DZIP1L: variants seen among roughly 807,000 people sequenced by gnomAD.
The protein encoded by DZIP1L is DAZ interacting zinc finger protein 1 like.
A neutral mutation model predicts 88.7 loss-of-function variants in DZIP1L; 90 were observed. The observed-to-expected ratio is 1.02, with a 90% CI of 0.86 to 1.21. The LOEUF (loss-of-function observed/expected upper bound fraction) is 1.21. Ranked by LOEUF, DZIP1L falls within the 50% of genes most tolerant of loss-of-function variation. The pLI is 0.00. For missense variants in DZIP1L, 932 were observed against 955.8 expected, an observed-to-expected ratio of 0.98 and a Z score of 0.33; for synonymous variants, 363 against 372.1, an observed-to-expected ratio of 0.98 and a Z score of 0.28.
Position 138,103,533 on chromosome 3 carries a change from G to A in DZIP1L, c.439C>T (p.Arg147Cys), listed in dbSNP as rs781705384. 31 of 1,610,876 alleles carry A rather than the reference G, an allele frequency of 1.9e-5. No homozygotes were observed. Among genetic ancestry groups the A allele is most frequent in the Non-Finnish European group, 2.4e-5 (28 of 1,179,770 alleles). The change falls in exon 2 of 16, where the codon CGC becomes TGC. Residue 147 changes from arginine (R) to cysteine (C), a missense_variant. Physicochemically the swap from Arg to Cys is radical, Grantham distance 180. Transcript: ENST00000327532. ...TGCTGCAGGGTGCTGATCATCTTGC[G>A]ACGCCGGCGGCTCTCCTCCCGCACA... ...KGVREESRRR[R>C]KMISTLQQLL... is the part of the protein sequence containing the mutation.
In DZIP1L at chr3:138,062,888, A is replaced by G. The variant is rs1942754670; in HGVS notation, c.2232T>C (p.Ser744=). 1 of 1,614,094 alleles carries G rather than the reference A, an allele frequency of 6.2e-7. No individual in the cohort carries two copies. The highest frequency in any genetic ancestry group is 8.5e-7 in the Non-Finnish European group (1 of 1,180,054). The part of the protein sequence containing the change: ...LDQREKPKPL[S]RSKLPEKFGT... ...CAAACTTCTCTGGGAGCTTTGAGCG[A>G]GACAAGGGCTTGGGTTTCTCTCTCT... The change falls in exon 16 of 16, where the codon TCT becomes TCC. Residue 744 remains serine, a synonymous_variant. Transcript: ENST00000327532.
rs374741388 is a variant in DZIP1L at position 138,064,647 on chromosome 3, G to A, written c.2123C>T (p.Thr708Ile). ...TCCTACCTGAGGCTTCCTTCCTGGTGTGGCAGCCCTCTGTGGCCCAGCATT... is the reference window on the plus strand; with the variant it reads ...TCCTACCTGAGGCTTCCTTCCTGGTATGGCAGCCCTCTGTGGCCCAGCATT... ...MPNAGPQRAATPGRKPQLSED... is the reference protein window; with the variant it reads ...MPNAGPQRAAIPGRKPQLSED... The change falls in exon 15 of 16, where the codon ACA (threonine) becomes ATA (isoleucine). Residue 708 changes from threonine (T) to isoleucine (I), a missense_variant. Thr to Ile is a moderately conservative substitution (Grantham distance 89, BLOSUM62 -1). Transcript: ENST00000327532. 6.2e-7 allele frequency: 1 copy of A among 1,614,188 alleles called. No individual in the cohort carries two copies. Among genetic ancestry groups the A allele is most frequent in the Non-Finnish European group, 8.5e-7 (1 of 1,180,038 alleles).
intron 12 of DZIP1L, 74 bp from the exon 13 acceptor site, chr3:138,068,441 G>A (rs1000451304): frequency 6.2e-6 from 7 of 1,124,758 alleles, no homozygotes; most frequent in Admixed American, 5.9e-5. Flanking sequence ...GGGAGAAAGT[G>A]GCTCCAACAC....
At chr3:138,092,203 GC>G (rs1415563501) in intron 5 of DZIP1L, 179 bp downstream of exon 5, 1 of 567,584 alleles carries the variant, frequency 1.8e-6, no homozygotes, top group African/African-American at 1.9e-5. Context: ...TGTTGACACA[GC>G]AGTGATTCAA....
At chr3:138,083,477 C>T (rs972999396) in intron 8 of DZIP1L, among the ~76,000 whole-genome samples, 1 of 152,122 alleles carries the variant, frequency 6.6e-6, no homozygotes, top group South Asian at 2.1e-4. Context: ...AACTCAGCCT[C>T]GACTGGGCAG....
chr3:138,081,438 G>A (rs1353321800), intron 9 of DZIP1L, among the ~76,000 whole-genome samples: 6 of 152,164 alleles, frequency 3.9e-5, no homozygotes, highest in African/African-American at 1.4e-4. Flanking sequence ...CAGGCATGGT[G>A]AATTAGAAAA....
At chr3:138,073,055 T>C (rs1943253655) in intron 11 of DZIP1L, among the ~76,000 whole-genome samples, 1 of 152,092 alleles carries the variant, frequency 6.6e-6, no homozygotes, top group Admixed American at 6.5e-5. Context: ...CGTCTATCCC[T>C]GGCCCCACCT....
chr3:138,092,264 G>C (rs1944272350), intron 5 of DZIP1L, 119 bp downstream of exon 5: 1 of 1,123,508 alleles, frequency 8.9e-7, no homozygotes, highest in Admixed American at 3.6e-5. Context: ...TCTGATAACT[G>C]GCCTCACAGT....
intron 4 of DZIP1L, among the ~76,000 whole-genome samples, chr3:138,094,500 T>A (rs1175740341): frequency 6.6e-6 from 1 of 152,218 alleles, no homozygotes; most frequent in African/African-American, 2.4e-5. Context: ...CTGAGCATTG[T>A]CTCTGGGCTG....
At chr3:138,083,350 G>GACTAGA (rs1437383199) in intron 8 of DZIP1L, among the ~76,000 whole-genome samples, 1 of 152,180 alleles carries the variant, frequency 6.6e-6, no homozygotes, top group Non-Finnish European at 1.5e-5. Flanking sequence ...AAGAGGCCAG[G>GACTAGA]ACTAGACAGT....
chr3:138,109,312 A>G (rs1343167731), intron 1 of DZIP1L, among the ~76,000 whole-genome samples: 2 of 152,168 alleles, frequency 1.3e-5, no homozygotes, highest in African/African-American at 4.8e-5. Context: ...TACTATTATC[A>G]TCTAAGCCAC....
intron 2 of DZIP1L, 104 bp downstream of exon 2, chr3:138,103,367 C>G (rs966407214): frequency 4.3e-5 from 57 of 1,318,926 alleles, no homozygotes; most frequent in Non-Finnish European, 5.9e-5. Flanking sequence ...GAACAGCCCC[C>G]CAGCAGCCTT....
chr3:138,077,620 G>T lies in DZIP1L; in HGVS notation c.1301C>A (p.Ser434Tyr), dbSNP rs752344990. The part of the protein sequence containing the change: ...EDSPEEEMED[S>Y]QDEQHKVLAA... ...CAGCACCTTGTGCTGTTCATCCTGG[G>T]AGTCCTCCATCTCTGTAGCATGAGA... is the stretch of plus-strand genomic sequence containing the variant. The change falls in exon 11 of 16, where the codon TCC becomes TAC. Residue 434 changes from serine (S) to tyrosine (Y), a missense_variant. Ser to Tyr is a moderately radical substitution (Grantham distance 144). Coordinates refer to ENST00000327532, the MANE Select transcript of DZIP1L (RefSeq NM_173543.3). 6.2e-7 allele frequency: 1 copy of T among 1,614,100 alleles called. No homozygotes were observed. The highest frequency in any genetic ancestry group is 8.5e-7 in the Non-Finnish European group (1 of 1,180,006).
At position 138,067,518 on chromosome 3, in the gene DZIP1L, G is replaced by C. The variant is rs1473018379; in HGVS notation, c.2002+13C>G. On this transcript the variant is annotated intron_variant, in intron 14 of 15. Coordinates refer to ENST00000327532, the MANE Select transcript of DZIP1L (RefSeq NM_173543.3). The stretch of plus-strand genomic sequence containing the variant: ...GGTGGTCCCAGCCCACTCACCCAAA[G>C]GTGCCAGCTCACCTGAGCCCTGGCC... 6.3e-7 allele frequency: 1 copy of C among 1,582,078 alleles called. No homozygotes were observed. The highest frequency in any genetic ancestry group is 8.6e-7 in the Non-Finnish European group (1 of 1,167,744).
intron 4 of DZIP1L, among the ~76,000 whole-genome samples, chr3:138,093,021 G>A (rs1392021459): frequency 6.6e-6 from 1 of 152,142 alleles, no homozygotes; most frequent in African/African-American, 2.4e-5. Context: ...TTTTCTTAAT[G>A]GCATCCAGAA....
At chr3:138,068,961 G>A (rs757066192) in intron 12 of DZIP1L, 240 of 1,263,098 alleles carry the variant, frequency 1.9e-4, no homozygotes, top group Non-Finnish European at 2.3e-4. Context: ...GTGCATCACA[G>A]GGAGTCAGAC....
chr3:138,064,312 G>A (rs1296858990), intron 15 of DZIP1L: 4 of 1,203,744 alleles, frequency 3.3e-6, no homozygotes, highest in Non-Finnish European at 4.2e-6. Context: ...CGGGCTGGAA[G>A]AGCAGCTGCT....
At chr3:138,102,773 C>A in intron 2 of DZIP1L, 2 of 766,418 alleles carry the variant, frequency 2.6e-6, no homozygotes, top group East Asian at 2.5e-5. Flanking sequence ...CCGCCCAGGT[C>A]ACCCCGGAAG....
chr3:138,085,799 C>T (rs1943902806), intron 7 of DZIP1L, among the ~76,000 whole-genome samples: 1 of 152,220 alleles, frequency 6.6e-6, no homozygotes, highest in African/African-American at 2.4e-5. Context: ...TATAAAGACA[C>T]ACGCACACGT....
Sources: gnomAD v4.1 joint callset for allele counts (sites outside exome capture counted in the v4.1 genomes callset) on GRCh38, gnomAD v4.1.1 for gene constraint, MANE v1.5 for transcripts, NCBI Gene and HGNC (gene_info 2026-07-23, HGNC 2026-07-21) for gene names.